Variants in RALGAPA2 observed in about 807,000 individuals in gnomAD.
RALGAPA2 encodes the protein Ral GTPase activating protein catalytic subunit alpha 2.
A neutral mutation model predicts 230.4 loss-of-function variants in RALGAPA2; 139 were observed. The ratio of observed to expected loss-of-function variants is 0.60; its 90% CI spans 0.53 to 0.69. The LOEUF (loss-of-function observed/expected upper bound fraction) is 0.69. Ranked by LOEUF, RALGAPA2 falls within the 30% of genes least tolerant of loss-of-function variation. The pLI, the probability that RALGAPA2 is intolerant of heterozygous loss-of-function variation, is 0.00. For synonymous variants in RALGAPA2, 847 were observed against 837.8 expected (o/e 1.01, Z -0.19); for missense variants, 2,163 against 2,276.0 (o/e 0.95, Z 1.01).
intron 1 of RALGAPA2, among the ~76,000 whole-genome samples, chr20:20,705,870 T>C (rs546003611): frequency 6.6e-6 from 1 of 152,218 alleles, no homozygotes; most frequent in African/African-American, 2.4e-5. Context: ...TGTTTCACCA[T>C]GTTGGCCAGG....
intron 38 of RALGAPA2, among the ~76,000 whole-genome samples, chr20:20,406,177 C>A (rs1214841107): frequency 6.6e-6 from 1 of 151,688 alleles, no homozygotes; most frequent in East Asian, 1.9e-4. Flanking sequence ...TCTTTTTTTT[C>A]TTTTTTAAAA....
In RALGAPA2 at chr20:20,601,740, G is replaced by A; in HGVS notation, c.2145C>T (p.Thr715=). ...VTEPMRFRSA[T]TSGAPGVEKA... ...TTTCCACTCCCGGTGCTCCAGACGTGGTGGCACTCCTAAATCGCATCGGTT... is the reference window on the plus strand; with the variant it reads ...TTTCCACTCCCGGTGCTCCAGACGTAGTGGCACTCCTAAATCGCATCGGTT... The change falls in exon 16 of 40, where the codon ACC becomes ACT. Residue 715 remains threonine (T), a synonymous_variant. Transcript: ENST00000202677. 6.2e-7 allele frequency: 1 copy of A among 1,613,704 alleles called. No homozygotes were observed. Among genetic ancestry groups the A allele is most frequent in the Non-Finnish European group, 8.5e-7 (1 of 1,179,734 alleles).
chr20:20,694,192 C>A (rs7354375), intron 1 of RALGAPA2, among the ~76,000 whole-genome samples: 11,544 of 151,462 alleles, frequency 0.076, 592 homozygotes, highest in East Asian at 0.16. Flanking sequence ...GCCTGGAAAT[C>A]TATTTTGTTT....
chr20:20,631,074 T>C (rs972229710), intron 9 of RALGAPA2, among the ~76,000 whole-genome samples: 6 of 152,200 alleles, frequency 3.9e-5, no homozygotes, highest in Admixed American at 6.5e-5. Context: ...GGAAGAGACC[T>C]AGCCACTATC....
chr20:20,700,816 G>A (rs1446248958), intron 1 of RALGAPA2, among the ~76,000 whole-genome samples: 1 of 152,208 alleles, frequency 6.6e-6, no homozygotes, highest in Non-Finnish European at 1.5e-5. Flanking sequence ...TCATTTGGGA[G>A]AAACCACCAC....
At position 20,635,501 on chromosome 20, in the gene RALGAPA2, C is replaced by T; in HGVS notation, c.922G>A (p.Val308Ile). Residue 308 changes from valine to isoleucine, a missense_variant, in exon 9 of 40, where the codon GTA (valine) becomes ATA (isoleucine). By Grantham distance (29) the Val-to-Ile change is conservative. Coordinates refer to ENST00000202677, the MANE Select transcript of RALGAPA2 (RefSeq NM_020343.4). The stretch of plus-strand genomic sequence containing the variant: ...TACTTTTTTTCCAAAAAGAAGGTTA[C>T]AATCCACTTAATAAAAACAACACGA... ...AARVVFIKWI[V>I]TFFLEKKYLT... 1 of 1,597,820 alleles carries T rather than the reference C, an allele frequency of 6.3e-7. No homozygotes were observed. Among genetic ancestry groups the T allele is most frequent in the Non-Finnish European group, 8.5e-7 (1 of 1,173,902 alleles).
chr20:20,515,241 C>T (rs577164773), intron 31 of RALGAPA2, among the ~76,000 whole-genome samples: 65 of 152,342 alleles, frequency 4.3e-4, no homozygotes, highest in African/African-American at 1.4e-3. Context: ...TAGGTCAAAT[C>T]GCACAGCCCC....
chr20:20,601,500 A>T (rs920636831), intron 16 of RALGAPA2, among the ~76,000 whole-genome samples, 182 bp downstream of exon 16: 1 of 152,264 alleles, frequency 6.6e-6, no homozygotes, highest in African/African-American at 2.4e-5. Flanking sequence ...TTTAGAAATA[A>T]GTAACTGAAA....
At chr20:20,492,941 A>G (rs917791353) in intron 36 of RALGAPA2, among the ~76,000 whole-genome samples, 1 of 152,232 alleles carries the variant, frequency 6.6e-6, no homozygotes, top group Non-Finnish European at 1.5e-5. Context: ...CAATATAACA[A>G]AAGTAACAGC....
At chr20:20,421,006 A>G (rs4814975) in intron 37 of RALGAPA2, among the ~76,000 whole-genome samples, 99,018 of 152,110 alleles carry the variant, frequency 0.65, 32,398 homozygotes, top group African/African-American at 0.73. Context: ...GTGATGAAAG[A>G]AAGTGAAGAG....
intron 4 of RALGAPA2, among the ~76,000 whole-genome samples, chr20:20,645,523 T>C (rs1458456439): frequency 6.6e-6 from 1 of 152,172 alleles, no homozygotes; most frequent in African/African-American, 2.4e-5. Context: ...TGCAGACATA[T>C]AGAACACATG....
intron 3 of RALGAPA2, chr20:20,659,860 G>T: frequency 1.7e-6 from 1 of 584,604 alleles, no homozygotes. Flanking sequence ...CCCTGGACCA[G>T]CAGAGCATCC....
At chr20:20,675,238 G>C (rs1447843667) in intron 3 of RALGAPA2, among the ~76,000 whole-genome samples, 1 of 152,128 alleles carries the variant, frequency 6.6e-6, no homozygotes. Flanking sequence ...TCTGGGAAAG[G>C]AGTATAGCTC....
intron 23 of RALGAPA2, among the ~76,000 whole-genome samples, chr20:20,557,660 C>T (rs2064125162): frequency 6.6e-6 from 1 of 152,126 alleles, no homozygotes. Flanking sequence ...CTAGGTTAGG[C>T]CCCACCTGCA....
At chr20:20,612,278 A>G (rs1418634868) in intron 13 of RALGAPA2, among the ~76,000 whole-genome samples, 6 of 152,196 alleles carry the variant, frequency 3.9e-5, no homozygotes, top group Non-Finnish European at 7.3e-5. Flanking sequence ...TTTCATATGT[A>G]AGAGAAGTGC....
intron 1 of RALGAPA2, among the ~76,000 whole-genome samples, chr20:20,697,330 CA>C (rs1408681266): frequency 6.6e-6 from 1 of 151,728 alleles, no homozygotes; most frequent in African/African-American, 2.4e-5. Flanking sequence ...ACCTCCATCT[CA>C]AAAAAAATTT....
intron 36 of RALGAPA2, among the ~76,000 whole-genome samples, chr20:20,486,516 G>A (rs2061915574): frequency 6.6e-6 from 1 of 151,992 alleles, no homozygotes; most frequent in Non-Finnish European, 1.5e-5. Flanking sequence ...GAGCCCTCTG[G>A]CTCCTTTCAA....
chr20:20,536,613 TA>T, intron 25 of RALGAPA2, 42 bp downstream of exon 25: 1 of 1,591,648 alleles, frequency 6.3e-7, no homozygotes, highest in Non-Finnish European at 8.6e-7. Context: ...TCTAGAATTA[TA>T]AAAAGTACTA....
At chr20:20,670,811 C>T (rs1482285155) in intron 3 of RALGAPA2, among the ~76,000 whole-genome samples, 1 of 151,608 alleles carries the variant, frequency 6.6e-6, no homozygotes, top group African/African-American at 2.4e-5. Context: ...TAGCCGGGCA[C>T]GGTGGCAGGC....
Sources: allele counts gnomAD v4.1 joint callset (sites outside exome capture counted in the v4.1 genomes callset), GRCh38; gene constraint gnomAD v4.1.1; transcripts MANE v1.5; gene names NCBI Gene and HGNC (gene_info 2026-07-23, HGNC 2026-07-21).